Variants in LINGO2 observed in about 807,000 individuals in gnomAD.
LINGO2 encodes the protein leucine-rich repeat and immunoglobulin-like domain-containing nogo receptor-interacting protein 2.
In LINGO2, 14 loss-of-function variants were observed where a neutral mutation model predicts 30.6. That is an observed-to-expected ratio of 0.46 (90% CI 0.30 to 0.72). The LOEUF (loss-of-function observed/expected upper bound fraction) is 0.72. Among genes scored for constraint, LINGO2 ranks in the 30% least tolerant of loss-of-function variants. The pLI, the probability that LINGO2 is intolerant of heterozygous loss-of-function variation, is 0.07. For missense variants in LINGO2, 729 were observed against 751.7 expected (o/e 0.97, Z 0.35); for synonymous variants, 317 against 288.5 (o/e 1.10, Z -1.00).
the LINGO2 span, among the ~76,000 whole-genome samples, chr9:29,135,278 G>A: frequency 6.6e-6 from 1 of 152,060 alleles, no homozygotes; most frequent in Non-Finnish European, 1.5e-5. Context: ...GAGATTGTCA[G>A]GCCGGGTGTG....
the LINGO2 span, among the ~76,000 whole-genome samples, chr9:29,162,304 T>C: frequency 6.6e-6 from 1 of 152,102 alleles, no homozygotes; most frequent in Non-Finnish European, 1.5e-5. Flanking sequence ...CATATAGAAA[T>C]CCTTTGTGAT....
intron 4 of LINGO2, among the ~76,000 whole-genome samples, chr9:28,022,774 A>G (rs888682343): frequency 1.5e-4 from 22 of 151,624 alleles, no homozygotes; most frequent in African/African-American, 5.1e-4. Flanking sequence ...TATTACTTAC[A>G]TTTCTTCTGT....
chr9:28,680,854 T>C, the LINGO2 span, among the ~76,000 whole-genome samples: 2 of 152,138 alleles, frequency 1.3e-5, no homozygotes, highest in Non-Finnish European at 2.9e-5. Context: ...GAATTCTTTA[T>C]GCATTTTTGA....
At chr9:28,884,971 AATATATATAATATATAATAATATAT>A in the LINGO2 span, among the ~76,000 whole-genome samples, 722 of 15,344 alleles carry the variant, frequency 0.047, 85 homozygotes, top group Admixed American at 0.12. Flanking sequence ...TTATATATAT[AATATATATAATATATAATAATATAT>A]TATATATATA....
intron 4 of LINGO2, among the ~76,000 whole-genome samples, chr9:28,050,317 C>A (rs1412699071): frequency 6.6e-6 from 1 of 150,524 alleles, no homozygotes; most frequent in Non-Finnish European, 1.5e-5. Flanking sequence ...GGGAAGACAA[C>A]CAAAGAAATA....
chr9:29,105,631 C>A, the LINGO2 span, among the ~76,000 whole-genome samples: 1 of 152,140 alleles, frequency 6.6e-6, no homozygotes, highest in Non-Finnish European at 1.5e-5. Flanking sequence ...AGTTACCAAT[C>A]AACTGATTTT....
At chr9:28,316,053 T>A (rs1234076765) in intron 3 of LINGO2, among the ~76,000 whole-genome samples, 3 of 152,020 alleles carry the variant, frequency 2.0e-5, no homozygotes, top group Non-Finnish European at 4.4e-5. Context: ...ATACAGATAA[T>A]AATAAAAAAT....
At chr9:28,424,862 A>C (rs765247990) in intron 2 of LINGO2, among the ~76,000 whole-genome samples, 5 of 152,092 alleles carry the variant, frequency 3.3e-5, no homozygotes, top group Non-Finnish European at 5.9e-5. Context: ...AGGCCCTGGA[A>C]TTAAGCAGGC....
intron 5 of LINGO2, among the ~76,000 whole-genome samples, chr9:27,975,368 C>T (rs932939887): frequency 2.0e-5 from 3 of 151,732 alleles, no homozygotes; most frequent in African/African-American, 7.3e-5. Context: ...AAATGCTTAA[C>T]AACTGGCTTT....
At chr9:28,127,631 T>G (rs1349445718) in intron 4 of LINGO2, among the ~76,000 whole-genome samples, 1 of 152,184 alleles carries the variant, frequency 6.6e-6, no homozygotes, top group Non-Finnish European at 1.5e-5. Context: ...GCCTAACAAG[T>G]GGCAAAATGT....
chr9:28,357,790 G>T (rs1011444175), intron 3 of LINGO2, among the ~76,000 whole-genome samples: 2 of 151,958 alleles, frequency 1.3e-5, no homozygotes, highest in African/African-American at 4.8e-5. Context: ...AGAAGAGTGG[G>T]GAACTTATCA....
chr9:28,656,083 T>C (rs532674821), intron 1 of LINGO2, among the ~76,000 whole-genome samples: 2 of 152,102 alleles, frequency 1.3e-5, no homozygotes, highest in African/African-American at 2.4e-5. Flanking sequence ...CAACACTGCA[T>C]TGGTTTCTAA....
the LINGO2 span, among the ~76,000 whole-genome samples, chr9:28,683,293 C>T: frequency 1.6e-4 from 25 of 152,078 alleles, no homozygotes; most frequent in East Asian, 1.9e-3. Flanking sequence ...ATAGATGAGC[C>T]GAACACATTT....
At position 28,075,929 on chromosome 9, in the gene LINGO2, T is replaced by A. The variant is rs543240362; in HGVS notation, c.-86-63524A>T. Among the ~76,000 whole-genome samples, 106 of 152,166 alleles carry A rather than the reference T, an allele frequency of 7.0e-4. 1 individual carries two copies. The highest frequency in any genetic ancestry group is 2.4e-3 in the African/African-American group (101 of 41,566). ...ATTTGTCCATTTTTTCCTTTAATAT[T>A]TTTGCTTTTTGTGCTGTGCATTAGT... is the stretch of plus-strand genomic sequence containing the variant. On this transcript the variant is annotated intron_variant, in intron 4 of 5. Coordinates refer to ENST00000379992, the Ensembl canonical transcript of LINGO2.
intron 4 of LINGO2, among the ~76,000 whole-genome samples, chr9:28,197,860 A>G (rs1564034959): frequency 6.7e-6 from 1 of 149,916 alleles, no homozygotes; most frequent in Non-Finnish European, 1.5e-5. Flanking sequence ...GAAAATTTGC[A>G]TTAAAAAAAA....
the LINGO2 span, among the ~76,000 whole-genome samples, chr9:28,856,057 G>GC: frequency 6.6e-6 from 1 of 151,944 alleles, no homozygotes. Context: ...TTGTGAAGCA[G>GC]CCTGGCAATA....
At chr9:28,586,030 TG>T (rs1824520563) in intron 1 of LINGO2, among the ~76,000 whole-genome samples, 1 of 97,204 alleles carries the variant, frequency 1.0e-5, no homozygotes, top group Admixed American at 9.1e-5. Context: ...ACATTAATTT[TG>T]TTTTTTTTTG....
chr9:28,068,164 A>G (rs949215710), intron 4 of LINGO2, among the ~76,000 whole-genome samples: 1 of 152,168 alleles, frequency 6.6e-6, no homozygotes, highest in African/African-American at 2.4e-5. Flanking sequence ...GTATGCATAT[A>G]CACTGTCTTA....
chr9:29,095,523 G>T, the LINGO2 span, among the ~76,000 whole-genome samples: 2 of 138,072 alleles, frequency 1.4e-5, no homozygotes, highest in African/African-American at 5.5e-5. Context: ...GGACAACAGG[G>T]TATCAATGCA....
Sources: allele counts gnomAD v4.1 joint callset (sites outside exome capture counted in the v4.1 genomes callset), GRCh38; gene constraint gnomAD v4.1.1; transcripts MANE v1.5; gene names NCBI Gene and HGNC (gene_info 2026-07-23, HGNC 2026-07-21).